The following MRPS10 variants were observed in gnomAD, a reference collection of about 807,000 sequenced individuals.
MRPS10 encodes the protein mitochondrial ribosomal protein S10.
Under a neutral mutation model 27.5 loss-of-function variants are expected in MRPS10, and 23 were observed. That is an observed-to-expected ratio of 0.84 (90% CI 0.60 to 1.18). The LOEUF (loss-of-function observed/expected upper bound fraction) is 1.18, where lower values mean the gene tolerates loss of function less well. Ranked by LOEUF, MRPS10 falls within the 50% of genes most tolerant of loss-of-function variation. The pLI is 0.00. For synonymous variants in MRPS10, 88 were observed against 84.2 expected (o/e 1.04, Z -0.25); for missense variants, 237 against 240.1 (o/e 0.99, Z 0.09).
chr6:42,217,730 C>A, intron 1 of MRPS10, 72 bp downstream of exon 1: 1 of 1,507,408 alleles, frequency 6.6e-7, no homozygotes, highest in Non-Finnish European at 9.2e-7. Flanking sequence ...ATGGGCAGAG[C>A]GGCTGGTGGC....
intron 1 of MRPS10, among the ~76,000 whole-genome samples, chr6:42,215,074 G>A (rs553319688): frequency 7.0e-4 from 106 of 152,158 alleles, no homozygotes; most frequent in Middle Eastern, 3.4e-3. Flanking sequence ...AAACACAATA[G>A]AATCCTTAAA....
chr6:42,214,480 A>AT, intron 1 of MRPS10, 136 bp from the exon 2 acceptor site: 1 of 498,648 alleles, frequency 2.0e-6, no homozygotes, highest in Non-Finnish European at 3.4e-6. Flanking sequence ...GCCAAATTAG[A>AT]TTGAAAAAAA....
chr6:42,214,016 A>AT, intron 3 of MRPS10, 104 bp downstream of exon 3: 1 of 905,458 alleles, frequency 1.1e-6, no homozygotes, highest in Non-Finnish European at 1.7e-6. Context: ...CTAGGACAAA[A>AT]TTTTTTTATT....
At chr6:42,208,433 C>A in intron 6 of MRPS10, 61 bp from the exon 7 acceptor site, 1 of 1,246,476 alleles carries the variant, frequency 8.0e-7, no homozygotes, top group Non-Finnish European at 1.1e-6. Context: ...GACTACAAAT[C>A]GGACTTATTA....
Position 42,207,795 on chromosome 6 carries a change from T to C in MRPS10, c.*494A>G, listed in dbSNP as rs1280198928. On this transcript the variant is annotated 3_prime_UTR_variant, in exon 7 of 7. Coordinates refer to ENST00000053468, the MANE Select transcript of MRPS10 (RefSeq NM_018141.4). ...CAGTCTTCAAAATGTAATGCTTACATGAGATAAAATCGGTTGGTTACCACC... is the reference window on the plus strand; with the variant it reads ...CAGTCTTCAAAATGTAATGCTTACACGAGATAAAATCGGTTGGTTACCACC... The C allele has an allele frequency of 6.0e-6, 1 of 165,670 alleles. No homozygotes were observed. Among genetic ancestry groups the C allele is most frequent in the African/African-American group, 2.4e-5 (1 of 41,506 alleles). 10.3% of individuals were successfully genotyped at this position (165,670 alleles called of 1,614,324 possible).
Position 42,214,101 on chromosome 6 carries a change from A to C in MRPS10, c.186+19T>G. 1 of 1,591,040 alleles carries C rather than the reference A, an allele frequency of 6.3e-7. No individual in the cohort carries two copies. Among genetic ancestry groups the C allele is most frequent in the Non-Finnish European group, 8.6e-7 (1 of 1,164,884 alleles). ...ATTGCCAAGGTAGCTCCTTATACCA[A>C]GAAACAGGGAGTACATACCACAGGT... On this transcript the variant is annotated intron_variant, in intron 3 of 6. Coordinates refer to ENST00000053468, the MANE Select transcript of MRPS10 (RefSeq NM_018141.4).
chr6:42,214,790 G>A (rs1008383479), intron 1 of MRPS10, among the ~76,000 whole-genome samples: 7 of 152,030 alleles, frequency 4.6e-5, no homozygotes, highest in African/African-American at 1.7e-4. Context: ...TCCCTCTTTT[G>A]ATGCTTTCAT....
intron 1 of MRPS10, among the ~76,000 whole-genome samples, chr6:42,215,665 G>A (rs183137638): frequency 2.7e-4 from 41 of 152,148 alleles, no homozygotes; most frequent in Non-Finnish European, 1.2e-4. Context: ...GGGCTCAAGC[G>A]ATCCTCCAGC....
At position 42,208,886 on chromosome 6, in the gene MRPS10, G is replaced by C. The variant is rs779762278; in HGVS notation, c.494C>G (p.Pro165Arg). ...VYLEYIQRNL[P>R]EGVAMEVTKT... Reference sequence around the variant, plus strand: ...TGTTACTTCCATGGCAACCCCTTCAGGTAAGTTTCGCTGAATATATTCCAA... The same window carrying C: ...TGTTACTTCCATGGCAACCCCTTCACGTAAGTTTCGCTGAATATATTCCAA... Residue 165 changes from proline (P) to arginine (R), a missense_variant, in exon 6 of 7, where the codon CCT (proline) becomes CGT (arginine). Physicochemically the swap from Pro to Arg is moderately radical, Grantham distance 103. Around this residue, in one of 3 missense-constraint regions of MRPS10, gnomAD observed 62 missense variants for 68.2 expected, o/e 0.91. Transcript: ENST00000053468. The C allele has an allele frequency of 1.9e-6, 3 of 1,611,508 alleles. No homozygotes were observed. The highest frequency in any genetic ancestry group is 2.5e-6 in the Non-Finnish European group (3 of 1,178,300).
chr6:42,217,826 A>G lies in MRPS10; in HGVS notation c.24T>C (p.Gly8=), dbSNP rs9471809. MAARTAF[G]AVCRRLWQGL... The stretch of plus-strand genomic sequence containing the variant: ...CCTGCCAGAGGCGCCGGCACACAGC[A>G]CCGAACGCTGTCCGCGCCGCCATCT... Residue 8 remains glycine, a synonymous_variant, in exon 1 of 7, where the codon GGT becomes GGC. Transcript: ENST00000053468. 5 of 1,613,738 alleles carry G rather than the reference A, an allele frequency of 3.1e-6. No individual in the cohort carries two copies. Among genetic ancestry groups the G allele is most frequent in the African/African-American group, 1.3e-5 (1 of 74,828 alleles).
In MRPS10 at chr6:42,216,026, CT is replaced by C. The variant is rs34985131; in HGVS notation, c.49-1683del. On this transcript the variant is annotated intron_variant, in intron 1 of 6. Transcript: ENST00000053468. ...TTTTCTTTTCTTTTTTTTTTCTTTT[CT>C]TTTTTTTTTTTTTTTTGAGAGAGTC... 5.4e-4 allele frequency among the ~76,000 whole-genome samples: 31 copies of C among 56,998 alleles called. No individual in the cohort carries two copies. The East Asian group carries it at 7.1e-3, about 13-fold the overall frequency. 37.4% of individuals were successfully genotyped at this position (56,998 alleles called of 152,430 possible). A position where few individuals can be genotyped will look rare whatever the true frequency, so the allele number is the denominator to read the frequency against.
chr6:42,211,618 G>A (rs573822869), intron 4 of MRPS10, among the ~76,000 whole-genome samples, 163 bp downstream of exon 4: 133 of 149,070 alleles, frequency 8.9e-4, no homozygotes, highest in Middle Eastern at 7.0e-3. Flanking sequence ...AGGTTGCAGT[G>A]AGCTGAGGTT....
chr6:42,215,815 A>C (rs1768909182), intron 1 of MRPS10, among the ~76,000 whole-genome samples: 1 of 152,066 alleles, frequency 6.6e-6, no homozygotes, highest in Non-Finnish European at 1.5e-5. Flanking sequence ...CTTTGCACCA[A>C]AGGGGAAAAG....
At position 42,217,812 on chromosome 6, in the gene MRPS10, C is replaced by T. The variant is rs770897901; in HGVS notation, c.38G>A (p.Arg13His). The change falls in exon 1 of 7, where the codon CGC (arginine) becomes CAC (histidine). Residue 13 changes from arginine (R) to histidine (H), a missense_variant. By Grantham distance (29) the Arg-to-His change is conservative. Coordinates refer to ENST00000053468, the MANE Select transcript of MRPS10 (RefSeq NM_018141.4). Reference protein sequence around the residue: ...ARTAFGAVCRRLWQGLGNFSV... With the variant: ...ARTAFGAVCRHLWQGLGNFSV... The stretch of plus-strand genomic sequence containing the variant: ...TAGCCAATCCAGTACCTGCCAGAGG[C>T]GCCGGCACACAGCACCGAACGCTGT... The T allele has an allele frequency of 5.0e-6, 8 of 1,614,130 alleles. No homozygotes were observed. Among genetic ancestry groups the T allele is most frequent in the South Asian group, 4.4e-5 (4 of 91,074 alleles).
rs139604808 is a variant in MRPS10 at position 42,208,056 on chromosome 6, T to G, written c.*233A>C. 1.9e-4 allele frequency: 96 copies of G among 508,342 alleles called. 1 individual carries two copies. Among genetic ancestry groups the G allele is most frequent in the African/African-American group, 1.4e-3 (71 of 49,766 alleles). 31.5% of individuals were successfully genotyped at this position (508,342 alleles called of 1,614,324 possible). ...TCACTCTTTCTGCTTTCAGTCAAAGTGGTTTGCTCATGTTTGCTGAAATCA... is the reference window on the plus strand; with the variant it reads ...TCACTCTTTCTGCTTTCAGTCAAAGGGGTTTGCTCATGTTTGCTGAAATCA... On this transcript the variant is annotated 3_prime_UTR_variant, in exon 7 of 7. Coordinates refer to ENST00000053468, the MANE Select transcript of MRPS10 (RefSeq NM_018141.4).
At position 42,208,886 on chromosome 6, in the gene MRPS10, G is replaced by T; in HGVS notation, c.494C>A (p.Pro165His). The T allele has an allele frequency of 1.2e-6, 2 of 1,611,508 alleles. No homozygotes were observed. The highest frequency in any genetic ancestry group is 8.5e-7 in the Non-Finnish European group (1 of 1,178,300). ...TGTTACTTCCATGGCAACCCCTTCA[G>T]GTAAGTTTCGCTGAATATATTCCAA... The part of the protein sequence containing the change: ...VYLEYIQRNL[P>H]EGVAMEVTKT... The change falls in exon 6 of 7, where the codon CCT becomes CAT. Residue 165 changes from proline to histidine, a missense_variant. By Grantham distance (77) the Pro-to-His change is moderately conservative (BLOSUM62 -2). This residue lies in a region of MRPS10 where 62 missense variants were observed against 68.2 expected (regional missense o/e 0.91). Coordinates refer to ENST00000053468, the MANE Select transcript of MRPS10 (RefSeq NM_018141.4).
At chr6:42,208,561 T>C (rs1375432787) in intron 6 of MRPS10, among the ~76,000 whole-genome samples, 189 bp from the exon 7 acceptor site, 1 of 152,162 alleles carries the variant, frequency 6.6e-6, no homozygotes, top group Non-Finnish European at 1.5e-5. Context: ...ACATAATCGA[T>C]TTGATCCTCA....
intron 4 of MRPS10, 79 bp downstream of exon 4, chr6:42,211,702 C>T (rs928636054): frequency 5.3e-5 from 66 of 1,256,834 alleles, no homozygotes; most frequent in Non-Finnish European, 6.5e-5. Flanking sequence ...GAGTTCAGAC[C>T]TTCCTGGGAT....
intron 4 of MRPS10, 115 bp downstream of exon 4, chr6:42,211,664 ACT>A (rs1401213954): frequency 4.4e-6 from 4 of 911,572 alleles, no homozygotes; most frequent in East Asian, 6.1e-5. Context: ...ACAGAGCGAG[ACT>A]CTGTCTCAAA....
Sources: gnomAD v4.1 joint callset for allele counts (sites outside exome capture counted in the v4.1 genomes callset) on GRCh38, gnomAD v4.1.1 for gene constraint, gnomAD v4.1.1 regional missense constraint, MANE v1.5 for transcripts, NCBI Gene and HGNC (gene_info 2026-07-23, HGNC 2026-07-21) for gene names.